The following ATF6 variants were observed in gnomAD, a reference collection of about 807,000 sequenced individuals.
ATF6 encodes cyclic AMP-dependent transcription factor ATF-6 alpha.
A neutral mutation model predicts 83.6 loss-of-function variants in ATF6; 53 were observed. The ratio of observed to expected loss-of-function variants is 0.63; its 90% CI spans 0.51 to 0.80. The LOEUF (loss-of-function observed/expected upper bound fraction) is 0.80. ATF6 is among the 30% of genes least tolerant of loss of function. The pLI, the probability that ATF6 is intolerant of heterozygous loss-of-function variation, is 0.00. For missense variants in ATF6, 744 were observed against 797.9 expected (o/e 0.93, Z 0.81); for synonymous variants, 288 against 285.8 (o/e 1.01, Z -0.08).
intron 14 of ATF6, among the ~76,000 whole-genome samples, chr1:161,878,909 A>G (rs1410369238): frequency 6.6e-6 from 1 of 152,188 alleles, no homozygotes; most frequent in East Asian, 1.9e-4. Context: ...ATGTTTGCCT[A>G]TAAAAGAAAA....
chr1:161,830,976 C>T (rs1433666185), intron 9 of ATF6, among the ~76,000 whole-genome samples: 1 of 152,160 alleles, frequency 6.6e-6, no homozygotes, highest in Non-Finnish European at 1.5e-5. Context: ...AGAGCTTCTG[C>T]ACAGCAAAAG....
intron 14 of ATF6, among the ~76,000 whole-genome samples, chr1:161,882,284 A>G (rs775131589): frequency 6.6e-6 from 1 of 152,154 alleles, no homozygotes; most frequent in Non-Finnish European, 1.5e-5. Flanking sequence ...TGTAATGGGT[A>G]GCAGAAGATA....
intron 8 of ATF6, among the ~76,000 whole-genome samples, chr1:161,820,413 A>C (rs994132675): frequency 6.6e-6 from 1 of 152,174 alleles, no homozygotes; most frequent in African/African-American, 2.4e-5. Context: ...GAGGCAAACT[A>C]TAGAAGTGAC....
intron 9 of ATF6, 25 bp downstream of exon 9, chr1:161,821,186 G>T: frequency 1.4e-6 from 2 of 1,467,118 alleles, no homozygotes; most frequent in South Asian, 2.4e-5. Context: ...ATTTATTTTG[G>T]ACACTAATGC....
intron 6 of ATF6, among the ~76,000 whole-genome samples, chr1:161,795,326 T>G (rs996003329): frequency 6.6e-6 from 1 of 152,184 alleles, no homozygotes; most frequent in African/African-American, 2.4e-5. Flanking sequence ...TGCATTTAAG[T>G]TCTTACTATG....
At chr1:161,806,221 A>G (rs967923573) in intron 7 of ATF6, among the ~76,000 whole-genome samples, 1 of 152,194 alleles carries the variant, frequency 6.6e-6, no homozygotes, top group Non-Finnish European at 1.5e-5. Flanking sequence ...ACTTTATAGG[A>G]CAGCATGCTT....
At chr1:161,826,143 G>A (rs1224556297) in intron 9 of ATF6, among the ~76,000 whole-genome samples, 1 of 152,148 alleles carries the variant, frequency 6.6e-6, no homozygotes, top group Non-Finnish European at 1.5e-5. Context: ...AATCATGGGA[G>A]GCTTTATGCA....
intron 9 of ATF6, among the ~76,000 whole-genome samples, chr1:161,827,146 T>G (rs560125305): frequency 6.6e-6 from 1 of 152,214 alleles, no homozygotes; most frequent in South Asian, 2.1e-4. Flanking sequence ...TTGGTCAGGC[T>G]GGTCTCGAAC....
intron 15 of ATF6, among the ~76,000 whole-genome samples, chr1:161,945,045 A>G (rs1688723530): frequency 1.3e-5 from 2 of 152,238 alleles, no homozygotes; most frequent in South Asian, 2.1e-4. Flanking sequence ...GGTGGTGTCC[A>G]TATCCTTAGG....
At chr1:161,884,506 T>G (rs1054193438) in intron 14 of ATF6, among the ~76,000 whole-genome samples, 1 of 152,146 alleles carries the variant, frequency 6.6e-6, no homozygotes, top group African/African-American at 2.4e-5. Flanking sequence ...AATAATTACC[T>G]TACTTTTATA....
intron 7 of ATF6, among the ~76,000 whole-genome samples, chr1:161,816,463 GCAAGCCT>G (rs1245417077): frequency 6.6e-6 from 1 of 152,208 alleles, no homozygotes; most frequent in African/African-American, 2.4e-5. Flanking sequence ...ATGCTGTGAT[GCAAGCCT>G]CTCTATTTGG....
At chr1:161,795,142 A>G (rs1343188136) in intron 6 of ATF6, among the ~76,000 whole-genome samples, 1 of 152,204 alleles carries the variant, frequency 6.6e-6, no homozygotes, top group Non-Finnish European at 1.5e-5. Flanking sequence ...CGCCTTAAAA[A>G]AAAAATGACA....
At chr1:161,830,551 T>G (rs2101798840) in intron 9 of ATF6, among the ~76,000 whole-genome samples, 1 of 152,238 alleles carries the variant, frequency 6.6e-6, no homozygotes, top group Admixed American at 6.5e-5. Flanking sequence ...CAAACTATAC[T>G]ACAAGGCTAC....
At chr1:161,941,920 T>G (rs1688653263) in intron 15 of ATF6, among the ~76,000 whole-genome samples, 1 of 152,188 alleles carries the variant, frequency 6.6e-6, no homozygotes, top group African/African-American at 2.4e-5. Context: ...CACTGTCTTC[T>G]TTGTCTTCTT....
chr1:161,770,240 T>A (rs1684353570), intron 1 of ATF6, among the ~76,000 whole-genome samples: 1 of 152,188 alleles, frequency 6.6e-6, no homozygotes, highest in Non-Finnish European at 1.5e-5. Flanking sequence ...TCCATGTCTT[T>A]TCATGGCTTG....
intron 15 of ATF6, among the ~76,000 whole-genome samples, chr1:161,930,136 T>G (rs1688402390): frequency 6.6e-6 from 1 of 152,252 alleles, no homozygotes; most frequent in South Asian, 2.1e-4. Flanking sequence ...CTAATGTTTT[T>G]ACTCAAGCCG....
chr1:161,888,561 G>T (rs1362454613), intron 14 of ATF6, among the ~76,000 whole-genome samples: 2 of 152,020 alleles, frequency 1.3e-5, no homozygotes, highest in Non-Finnish European at 2.9e-5. Flanking sequence ...TAAAAAAAAA[G>T]TTACATAGTG....
At chr1:161,920,539 C>T (rs1429108188) in intron 15 of ATF6, among the ~76,000 whole-genome samples, 1 of 151,962 alleles carries the variant, frequency 6.6e-6, no homozygotes, top group Non-Finnish European at 1.5e-5. Flanking sequence ...CATGATCTGC[C>T]CGCCTCGGCC....
intron 6 of ATF6, among the ~76,000 whole-genome samples, chr1:161,795,221 A>G (rs1290724875): frequency 1.3e-5 from 2 of 152,202 alleles, no homozygotes; most frequent in African/African-American, 4.8e-5. Flanking sequence ...ACAGTTAAAT[A>G]ACAGTCACTG....
Sources: gnomAD v4.1 joint callset for allele counts (sites outside exome capture counted in the v4.1 genomes callset) on GRCh38, gnomAD v4.1.1 for gene constraint, MANE v1.5 for transcripts, NCBI Gene and HGNC (gene_info 2026-07-23, HGNC 2026-07-21) for gene names.